The following PDE3B variants were observed in gnomAD, a reference collection of about 807,000 sequenced individuals.
The protein encoded by PDE3B is phosphodiesterase 3B, also known as cGMP-inhibited 3',5'-cyclic phosphodiesterase 3B.
Under a neutral mutation model 116.8 loss-of-function variants are expected in PDE3B, and 66 were observed. The ratio of observed to expected loss-of-function variants is 0.56; its 90% CI spans 0.46 to 0.69. The LOEUF (loss-of-function observed/expected upper bound fraction) is 0.69, where lower values mean the gene tolerates loss of function less well. PDE3B is among the 30% of genes least tolerant of loss of function. PDE3B has a pLI of 0.00. For missense variants in PDE3B, 1,384 were observed against 1,368.1 expected, an observed-to-expected ratio of 1.01 and a Z score of -0.18; for synonymous variants, 595 against 533.6, an observed-to-expected ratio of 1.12 and a Z score of -1.59.
intron 2 of PDE3B, chr11:14,775,033 CCTT>C (rs1857744289): frequency 6.6e-6 from 1 of 152,200 alleles, no homozygotes; most frequent in African/African-American, 2.4e-5. Flanking sequence ...ATAAGCATTT[CCTT>C]CTTAGTGAGG....
chr11:14,743,380 C>T (rs537318847), intron 1 of PDE3B, among the ~76,000 whole-genome samples: 2 of 152,186 alleles, frequency 1.3e-5, no homozygotes, highest in South Asian at 4.1e-4. Context: ...ACCGCCTACT[C>T]AAGTCTCAGT....
chr11:14,730,250 G>T (rs1242523369), intron 1 of PDE3B, among the ~76,000 whole-genome samples: 1 of 152,142 alleles, frequency 6.6e-6, no homozygotes, highest in Non-Finnish European at 1.5e-5. Flanking sequence ...CTGACCTAAG[G>T]TCACATACTA....
At chr11:14,832,605 A>T in intron 9 of PDE3B, 117 bp from the exon 10 acceptor site, 1 of 440,642 alleles carries the variant, frequency 2.3e-6, no homozygotes, top group Non-Finnish European at 4.1e-6. Flanking sequence ...ATAAATTATT[A>T]AAGACGTATA....
intron 1 of PDE3B, among the ~76,000 whole-genome samples, chr11:14,672,243 G>T (rs1296416830): frequency 6.6e-6 from 1 of 151,634 alleles, no homozygotes; most frequent in Non-Finnish European, 1.5e-5. Context: ...TGCACTTAAT[G>T]CATTGCTATT....
At chr11:14,791,579 T>G (rs1159335223) in intron 4 of PDE3B, among the ~76,000 whole-genome samples, 1 of 152,180 alleles carries the variant, frequency 6.6e-6, no homozygotes, top group Non-Finnish European at 1.5e-5. Context: ...TTACTCTCTA[T>G]TCTTCTCCTT....
In PDE3B at chr11:14,804,113, C is replaced by A. The variant is rs1858849249; in HGVS notation, c.1522+63C>A. The A allele has an allele frequency of 3.7e-6, 3 of 816,824 alleles. No individual in the cohort carries two copies. In the Admixed American group the frequency reaches 6.1e-5, roughly 17 times the overall value. The allele number at this position is 816,824 out of a possible 1,614,324, so 50.6% of individuals were successfully genotyped here. A position where few individuals can be genotyped will look rare whatever the true frequency, so the allele number is the denominator to read the frequency against. On this transcript the variant is annotated intron_variant, in intron 5 of 15. Coordinates refer to ENST00000282096, the MANE Select transcript of PDE3B (RefSeq NM_000922.4). ...CTCAAAGTATATGGTAGTGTAAACA[C>A]TTTTCATCACATATTTATAGCTAAT...
chr11:14,765,800 A>G (rs1386835775), intron 1 of PDE3B, among the ~76,000 whole-genome samples: 1 of 150,016 alleles, frequency 6.7e-6, no homozygotes, highest in Non-Finnish European at 1.5e-5. Context: ...TTAAACTGGG[A>G]TTAAAAATTT....
chr11:14,827,207 A>G (rs967548547), intron 7 of PDE3B, among the ~76,000 whole-genome samples: 6 of 152,220 alleles, frequency 3.9e-5, no homozygotes, highest in African/African-American at 1.2e-4. Context: ...CCCACAGCCA[A>G]CATCACACTG....
At chr11:14,805,491 G>A (rs533858570) in intron 5 of PDE3B, among the ~76,000 whole-genome samples, 6 of 152,282 alleles carry the variant, frequency 3.9e-5, no homozygotes, top group African/African-American at 1.4e-4. Flanking sequence ...TAATTTGATT[G>A]TCATAATCAT....
At chr11:14,662,459 A>T (rs906559377) in intron 1 of PDE3B, among the ~76,000 whole-genome samples, 7 of 152,282 alleles carry the variant, frequency 4.6e-5, no homozygotes, top group Admixed American at 3.3e-4. Flanking sequence ...CTGGACGGAG[A>T]ATGACTTTGA....
At chr11:14,824,745 C>T (rs1310800313) in intron 7 of PDE3B, among the ~76,000 whole-genome samples, 4 of 152,158 alleles carry the variant, frequency 2.6e-5, no homozygotes, top group Non-Finnish European at 1.5e-5. Context: ...CCCAGCCTTG[C>T]TAGAGAGGCC....
At chr11:14,825,993 A>G (rs1859674917) in intron 7 of PDE3B, among the ~76,000 whole-genome samples, 1 of 152,238 alleles carries the variant, frequency 6.6e-6, no homozygotes, top group Non-Finnish European at 1.5e-5. Context: ...ATTACATGGA[A>G]AGTAAACAAC....
At chr11:14,839,617 C>G (rs778429627) in intron 11 of PDE3B, among the ~76,000 whole-genome samples, 4 of 152,152 alleles carry the variant, frequency 2.6e-5, no homozygotes, top group Non-Finnish European at 4.4e-5. Context: ...AGTTGTTTTT[C>G]CTCCATAACT....
intron 12 of PDE3B, 116 bp downstream of exon 12, chr11:14,844,142 C>A (rs1329878610): frequency 1.3e-5 from 9 of 707,936 alleles, no homozygotes; most frequent in Non-Finnish European, 2.2e-5. Context: ...GACTTTAATA[C>A]CCTACATTTT....
At chr11:14,660,679 C>T (rs1285276738) in intron 1 of PDE3B, among the ~76,000 whole-genome samples, 5 of 152,080 alleles carry the variant, frequency 3.3e-5, no homozygotes, top group African/African-American at 4.8e-5. Context: ...ATATGCCTTA[C>T]ATTAGTCTTT....
intron 14 of PDE3B, among the ~76,000 whole-genome samples, chr11:14,862,553 A>C (rs1847969934): frequency 6.6e-6 from 1 of 152,146 alleles, no homozygotes; most frequent in African/African-American, 2.4e-5. Context: ...CAAGGATTCA[A>C]AGATATAAGC....
Position 14,786,645 on chromosome 11 carries a change from T to C in PDE3B, c.1238T>C (p.Ile413Thr), listed in dbSNP as rs1475788841. The change falls in exon 3 of 16, where the codon ATA becomes ACA. Residue 413 changes from isoleucine (I) to threonine (T), a missense_variant. By Grantham distance (89) the Ile-to-Thr change is moderately conservative. Around this residue, in one of 2 missense-constraint regions of PDE3B, gnomAD observed 956 missense variants for 806.8 expected, o/e 1.18. Coordinates refer to ENST00000282096, the MANE Select transcript of PDE3B (RefSeq NM_000922.4). ...CCTGGATTTTACCCCTGTTCTGAAATAGAGGACCCAGCTGAGAAAGGGGAT... is the reference window on the plus strand; with the variant it reads ...CCTGGATTTTACCCCTGTTCTGAAACAGAGGACCCAGCTGAGAAAGGGGAT... The part of the protein sequence containing the change: ...PFPGFYPCSE[I>T]EDPAEKGDRK... 6.2e-7 allele frequency: 1 copy of C among 1,612,428 alleles called. No homozygotes were observed. Among genetic ancestry groups the C allele is most frequent in the Admixed American group, 1.7e-5 (1 of 59,944 alleles).
At chr11:14,776,581 A>G (rs1039054397) in intron 2 of PDE3B, 1 of 152,142 alleles carries the variant, frequency 6.6e-6, no homozygotes. Flanking sequence ...ACATGTATAC[A>G]TATGTAACTA....
chr11:14,776,709 A>G (rs958297227), intron 2 of PDE3B: 1 of 151,916 alleles, frequency 6.6e-6, no homozygotes, highest in African/African-American at 2.4e-5. Context: ...ATGATTGTGA[A>G]TGCTTTGAAA....
Sources: gnomAD v4.1 joint callset for allele counts (sites outside exome capture counted in the v4.1 genomes callset) on GRCh38, gnomAD v4.1.1 for gene constraint, gnomAD v4.1.1 regional missense constraint, MANE v1.5 for transcripts, NCBI Gene and HGNC (gene_info 2026-07-23, HGNC 2026-07-21) for gene names.